Variants in PDE3B observed in about 807,000 individuals in gnomAD.
PDE3B encodes the protein phosphodiesterase 3B.
Under a neutral mutation model 116.8 loss-of-function variants are expected in PDE3B, and 66 were observed. That is an observed-to-expected ratio of 0.56 (90% CI 0.46 to 0.69). The LOEUF (loss-of-function observed/expected upper bound fraction) is 0.69. Among genes scored for constraint, PDE3B ranks in the 30% least tolerant of loss-of-function variants. The pLI is 0.00. For synonymous variants in PDE3B, 595 were observed against 533.6 expected (o/e 1.12, Z -1.59); for missense variants, 1,384 against 1,368.1 (o/e 1.01, Z -0.18).
At chr11:14,753,273 C>T (rs376485712) in intron 1 of PDE3B, among the ~76,000 whole-genome samples, 7 of 151,818 alleles carry the variant, frequency 4.6e-5, no homozygotes, top group African/African-American at 1.7e-4. Context: ...TATTAGTCAC[C>T]GAGGATAAAG....
intron 1 of PDE3B, among the ~76,000 whole-genome samples, chr11:14,668,558 A>C (rs1164543457): frequency 1.3e-5 from 2 of 152,160 alleles, no homozygotes; most frequent in Non-Finnish European, 2.9e-5. Flanking sequence ...AAAAATTTTA[A>C]GCATGAAGCA....
intron 1 of PDE3B, among the ~76,000 whole-genome samples, chr11:14,744,053 G>A (rs1162830048): frequency 6.6e-6 from 1 of 152,170 alleles, no homozygotes; most frequent in Non-Finnish European, 1.5e-5. Context: ...ATATTGTTGA[G>A]TGTTCTTAGC....
At chr11:14,812,599 G>A (rs1232745231) in intron 5 of PDE3B, among the ~76,000 whole-genome samples, 1 of 152,064 alleles carries the variant, frequency 6.6e-6, no homozygotes, top group East Asian at 1.9e-4. Context: ...ACATGACACT[G>A]ATACAAAAAG....
chr11:14,849,576 G>A lies in PDE3B; in HGVS notation c.2520+5550G>A, dbSNP rs12575421. ...ACCTACAAAATGGGAGAAAATTTTC[G>A]CAACCTACTCATCTGACAAAGGATT... On this transcript the variant is annotated intron_variant, in intron 12 of 15. Coordinates refer to ENST00000282096, the MANE Select transcript of PDE3B (RefSeq NM_000922.4). 1.9e-3 allele frequency among the ~76,000 whole-genome samples: 296 copies of A among 152,122 alleles called. 2 individuals carry two copies. The highest frequency in any genetic ancestry group is 0.013 in the Admixed American group (193 of 15,282).
At chr11:14,651,808 T>C (rs1456592195) in intron 1 of PDE3B, among the ~76,000 whole-genome samples, 1 of 152,214 alleles carries the variant, frequency 6.6e-6, no homozygotes, top group African/African-American at 2.4e-5. Flanking sequence ...TATATCAAAT[T>C]TCAATATATG....
chr11:14,729,932 G>A (rs538573725), intron 1 of PDE3B, among the ~76,000 whole-genome samples: 28 of 152,100 alleles, frequency 1.8e-4, no homozygotes, highest in Admixed American at 8.5e-4. Flanking sequence ...AAATTGAAAC[G>A]TTACTGAGAA....
chr11:14,725,824 C>T (rs1227700680), intron 1 of PDE3B, among the ~76,000 whole-genome samples: 1 of 151,654 alleles, frequency 6.6e-6, no homozygotes, highest in Non-Finnish European at 1.5e-5. Context: ...CCAATCTTGT[C>T]CCCATATAAT....
chr11:14,772,778 A>C (rs1339524910), intron 2 of PDE3B: 1 of 151,988 alleles, frequency 6.6e-6, no homozygotes. Flanking sequence ...CTCATAAAAC[A>C]TCAAGCAATA....
At chr11:14,860,852 TTA>T in intron 13 of PDE3B, among the ~76,000 whole-genome samples, 1 of 152,170 alleles carries the variant, frequency 6.6e-6, no homozygotes, top group Admixed American at 6.5e-5. Context: ...AAATAAGTAG[TTA>T]TAATTCTTAT....
chr11:14,722,357 G>T (rs1405052340), intron 1 of PDE3B, among the ~76,000 whole-genome samples: 8 of 151,536 alleles, frequency 5.3e-5, no homozygotes, highest in Non-Finnish European at 1.0e-4. Flanking sequence ...CTAGTCGAGG[G>T]TAGCAAAAAA....
At chr11:14,898,481 G>A in the PDE3B span, among the ~76,000 whole-genome samples, 1 of 152,108 alleles carries the variant, frequency 6.6e-6, no homozygotes, top group East Asian at 1.9e-4. Flanking sequence ...GTCATAGCGT[G>A]ACCTGATATA....
chr11:14,809,662 A>G (rs1859063804), intron 5 of PDE3B, among the ~76,000 whole-genome samples: 1 of 152,204 alleles, frequency 6.6e-6, no homozygotes, highest in Admixed American at 6.5e-5. Context: ...ATGACTAAGC[A>G]TGAGGTTGGA....
At chr11:14,875,787 C>T (rs782724787), downstream of PDE3B, among the ~76,000 whole-genome samples, 3 of 152,032 alleles carry the variant, frequency 2.0e-5, no homozygotes, top group Non-Finnish European at 2.9e-5. Flanking sequence ...GAATTCACTT[C>T]CCCTGTGTAA....
At chr11:14,713,680 A>G (rs1300364448) in intron 1 of PDE3B, among the ~76,000 whole-genome samples, 1 of 145,456 alleles carries the variant, frequency 6.9e-6, no homozygotes, top group Non-Finnish European at 1.5e-5. Flanking sequence ...CTACTTCCTT[A>G]TAATAAAAAA....
At chr11:14,782,057 G>C (rs1399916578) in intron 2 of PDE3B, among the ~76,000 whole-genome samples, 1 of 152,130 alleles carries the variant, frequency 6.6e-6, no homozygotes, top group African/African-American at 2.4e-5. Context: ...TCCCATTCAT[G>C]ATGGCTTCAA....
intron 1 of PDE3B, among the ~76,000 whole-genome samples, chr11:14,659,919 T>C (rs752945502): frequency 1.3e-5 from 2 of 152,206 alleles, no homozygotes; most frequent in Non-Finnish European, 2.9e-5. Flanking sequence ...GACAAAATTA[T>C]TAGCAGGCAC....
At chr11:14,734,279 C>T (rs2133857270) in intron 1 of PDE3B, among the ~76,000 whole-genome samples, 1 of 152,280 alleles carries the variant, frequency 6.6e-6, no homozygotes, top group Admixed American at 6.5e-5. Context: ...CACTGTGTTT[C>T]CCAGGCTGGT....
At chr11:14,715,201 C>T (rs1203918583) in intron 1 of PDE3B, among the ~76,000 whole-genome samples, 1 of 152,148 alleles carries the variant, frequency 6.6e-6, no homozygotes. Context: ...CGTGATGCCT[C>T]CAGCTTTTTT....
At chr11:14,783,764 TA>T (rs533942180) in intron 2 of PDE3B, among the ~76,000 whole-genome samples, 9 of 148,260 alleles carry the variant, frequency 6.1e-5, no homozygotes, top group African/African-American at 1.5e-4. Flanking sequence ...AATATAATAA[TA>T]AAAAAAAAGA....
Sources: allele counts gnomAD v4.1 joint callset (sites outside exome capture counted in the v4.1 genomes callset), GRCh38; gene constraint gnomAD v4.1.1; transcripts MANE v1.5; gene names NCBI Gene and HGNC (gene_info 2026-07-23, HGNC 2026-07-21).